Variants in RALGAPA2 observed in about 807,000 individuals in gnomAD.
RALGAPA2 encodes the protein Ral GTPase activating protein catalytic subunit alpha 2, also known as ral GTPase-activating protein subunit alpha-2.
A neutral mutation model predicts 230.4 loss-of-function variants in RALGAPA2; 139 were observed. The observed-to-expected ratio is 0.60, with a 90% CI of 0.53 to 0.69. RALGAPA2 has a LOEUF of 0.69. Ranked by LOEUF, RALGAPA2 falls within the 30% of genes least tolerant of loss-of-function variation. The pLI is 0.00. For synonymous variants in RALGAPA2, 847 were observed against 837.8 expected (o/e 1.01, Z -0.19); for missense variants, 2,163 against 2,276.0 (o/e 0.95, Z 1.01).
At position 20,478,793 on chromosome 20, in the gene RALGAPA2, C is replaced by T. The variant is rs918661741; in HGVS notation, c.5368-5837G>A. Among the ~76,000 whole-genome samples the T allele has an allele frequency of 4.0e-5, 6 of 151,780 alleles. No homozygotes were observed. The East Asian group carries it at 7.8e-4, about 20-fold the overall frequency. ...CTGGGTGACAGGACCATTCATACCC[C>T]AAACCTCAGCATCATGCAATATACC... On this transcript the variant is annotated intron_variant, in intron 36 of 39. Transcript: ENST00000202677.
At chr20:20,619,985 G>A (rs1190489002) in intron 11 of RALGAPA2, among the ~76,000 whole-genome samples, 5 of 152,158 alleles carry the variant, frequency 3.3e-5, no homozygotes, top group South Asian at 4.1e-4. Flanking sequence ...AGCACTCAGC[G>A]AGGCTTAAAG....
At chr20:20,639,514 A>G (rs2146497877) in intron 7 of RALGAPA2, among the ~76,000 whole-genome samples, 1 of 152,254 alleles carries the variant, frequency 6.6e-6, no homozygotes, top group East Asian at 1.9e-4. Context: ...CTCCTCCTTC[A>G]ACCTGTCTTG....
chr20:20,692,960 C>T (rs185453442), intron 1 of RALGAPA2, among the ~76,000 whole-genome samples: 13 of 152,334 alleles, frequency 8.5e-5, no homozygotes, highest in African/African-American at 2.9e-4. Context: ...TCCTTGTAGG[C>T]AGACAGCTGA....
intron 23 of RALGAPA2, among the ~76,000 whole-genome samples, chr20:20,562,847 AAG>A (rs1409027430): frequency 2.0e-5 from 3 of 152,242 alleles, no homozygotes; most frequent in Non-Finnish European, 4.4e-5. Flanking sequence ...CTATAAAAAA[AAG>A]AAAAAATATC....
chr20:20,682,202 T>C (rs1321685252), intron 1 of RALGAPA2, among the ~76,000 whole-genome samples: 1 of 152,192 alleles, frequency 6.6e-6, no homozygotes, highest in African/African-American at 2.4e-5. Context: ...CTATATTTAC[T>C]GCACCAAAAT....
At chr20:20,481,195 A>G (rs756249461) in intron 36 of RALGAPA2, among the ~76,000 whole-genome samples, 2 of 152,270 alleles carry the variant, frequency 1.3e-5, no homozygotes, top group Non-Finnish European at 2.9e-5. Flanking sequence ...GCATGCCAGC[A>G]CAAGGAAGTG....
intron 24 of RALGAPA2, among the ~76,000 whole-genome samples, chr20:20,541,520 C>A (rs190303361): frequency 3.9e-5 from 6 of 152,202 alleles, no homozygotes; most frequent in African/African-American, 1.4e-4. Flanking sequence ...ACAGATATGG[C>A]CACTAAGTGA....
At position 20,512,938 on chromosome 20, in the gene RALGAPA2, T is replaced by C; in HGVS notation, c.4431A>G (p.Leu1477=). 1 of 1,613,746 alleles carries C rather than the reference T, an allele frequency of 6.2e-7. No homozygotes were observed. The highest frequency in any genetic ancestry group is 8.5e-7 in the Non-Finnish European group (1 of 1,179,686). ...CTAAGCAGCCTTCCAAAGGTCCATA[T>C]AAAACCTTACCATCCCAAGAGTACT... ...SGKYSWDGKV[L]YGPLEGCLAP... Residue 1477 remains leucine, a synonymous_variant, in exon 32 of 40, where the codon TTA becomes TTG. Coordinates refer to ENST00000202677, the MANE Select transcript of RALGAPA2 (RefSeq NM_020343.4).
chr20:20,509,231 C>A (rs1310746045), intron 33 of RALGAPA2, among the ~76,000 whole-genome samples: 1 of 152,144 alleles, frequency 6.6e-6, no homozygotes, highest in African/African-American at 2.4e-5. Flanking sequence ...CAAGAAGAAT[C>A]AGGAAACAGA....
intron 28 of RALGAPA2, 30 bp downstream of exon 28, chr20:20,526,222 T>C (rs1265020989): frequency 9.2e-6 from 13 of 1,410,264 alleles, no homozygotes; most frequent in African/African-American, 8.6e-5. Flanking sequence ...GAAATGCTTA[T>C]GTTTTAGTAT....
rs1004289776 is a variant in RALGAPA2, at chr20:20,495,892, A to G, written c.5209-617T>C. On this transcript the variant is annotated intron_variant, in intron 35 of 39. Transcript: ENST00000202677. ...TGCTTACTGTATAGAAGACATGTTC[A>G]CACATACTATCTCATTTAATCTTCC... Among the ~76,000 whole-genome samples, 3 of 152,208 alleles carry G rather than the reference A, an allele frequency of 2.0e-5. No individual in the cohort carries two copies. In the South Asian group the frequency reaches 6.2e-4, roughly 32 times the overall value.
chr20:20,417,834 T>C (rs1196525685), intron 37 of RALGAPA2, among the ~76,000 whole-genome samples: 2 of 152,222 alleles, frequency 1.3e-5, no homozygotes, highest in Admixed American at 1.3e-4. Context: ...ATGAGACAGC[T>C]AGATATATTC....
At position 20,405,119 on chromosome 20, in the gene RALGAPA2, T is replaced by C. The variant is rs151044896; in HGVS notation, c.5617+6908A>G. ...CCAAACCAACTGGCAGGATGCTTAGTAGAATATCTAATACAAACGAGGCAA... is the reference window on the plus strand; with the variant it reads ...CCAAACCAACTGGCAGGATGCTTAGCAGAATATCTAATACAAACGAGGCAA... On this transcript the variant is annotated intron_variant, in intron 38 of 39. Transcript: ENST00000202677. Among the ~76,000 whole-genome samples the C allele has an allele frequency of 2.5e-3, 386 of 152,336 alleles. 8 individuals are homozygous for C. In the South Asian group the frequency reaches 0.041, roughly 16 times the overall value.
chr20:20,529,438 G>C (rs1471079563), intron 27 of RALGAPA2, among the ~76,000 whole-genome samples: 1 of 152,096 alleles, frequency 6.6e-6, no homozygotes, highest in Admixed American at 6.5e-5. Flanking sequence ...CCTCTACTCT[G>C]TTATCAATTT....
rs1298406848 is a variant in RALGAPA2 at position 20,437,991 on chromosome 20, C to T, written c.5496-25843G>A. Among the ~76,000 whole-genome samples, 3 of 151,884 alleles carry T rather than the reference C, an allele frequency of 2.0e-5. No individual in the cohort carries two copies. The highest frequency in any genetic ancestry group is 1.9e-4 in the East Asian group (1 of 5,190). ...CTGACTCCGTGGTTCTTATGAATCCCGCAAAGAGTGGTTCTTAATATGGGT... is the reference window on the plus strand; with the variant it reads ...CTGACTCCGTGGTTCTTATGAATCCTGCAAAGAGTGGTTCTTAATATGGGT... On this transcript the variant is annotated intron_variant, in intron 37 of 39. Coordinates refer to ENST00000202677, the MANE Select transcript of RALGAPA2 (RefSeq NM_020343.4). The surrounding 1 kb of genome is among the most constrained non-coding windows in gnomAD (Gnocchi z 4.1).
At chr20:20,444,915 G>A (rs560336214) in intron 37 of RALGAPA2, among the ~76,000 whole-genome samples, 3 of 152,304 alleles carry the variant, frequency 2.0e-5, no homozygotes, top group South Asian at 2.1e-4. Context: ...GGTCCACGCC[G>A]CATGCGCTGC....
chr20:20,493,482 T>C (rs1205903641), intron 36 of RALGAPA2, among the ~76,000 whole-genome samples: 1 of 152,234 alleles, frequency 6.6e-6, no homozygotes. Context: ...TATTCATGCA[T>C]TATAAGTGTA....
chr20:20,457,309 G>A (rs566533349), intron 37 of RALGAPA2, among the ~76,000 whole-genome samples: 232 of 152,234 alleles, frequency 1.5e-3, no homozygotes, highest in Non-Finnish European at 2.5e-3. Context: ...CCTATAAATC[G>A]TATTATCTTT....
chr20:20,555,789 G>C (rs1023513335), intron 23 of RALGAPA2, among the ~76,000 whole-genome samples: 1 of 151,912 alleles, frequency 6.6e-6, no homozygotes, highest in African/African-American at 2.4e-5. Flanking sequence ...GTTCTAGTAG[G>C]TTTCTTTTTT....
Sources: gnomAD v4.1 joint callset for allele counts (sites outside exome capture counted in the v4.1 genomes callset) on GRCh38, gnomAD v4.1.1 for gene constraint, Gnocchi (gnomAD v3.1) non-coding constraint, MANE v1.5 for transcripts, NCBI Gene and HGNC (gene_info 2026-07-23, HGNC 2026-07-21) for gene names.